The following PRDM10 variants were observed in gnomAD, a reference collection of about 807,000 sequenced individuals.
PRDM10 encodes PR/SET domain 10.
Under a neutral mutation model 133.1 loss-of-function variants are expected in PRDM10, and 65 were observed. The observed-to-expected ratio is 0.49, with a 90% confidence interval of 0.40 to 0.60. The LOEUF is 0.60. Among genes scored for constraint, PRDM10 ranks in the 20% least tolerant of loss-of-function variants. The pLI is 0.00. For synonymous variants in PRDM10, 582 were observed against 580.4 expected (o/e 1.00, Z -0.04); for missense variants, 1,137 against 1,507.1 (o/e 0.75, Z 4.07).
intron 11 of PRDM10, among the ~76,000 whole-genome samples, chr11:129,929,750 TC>T (rs1237950243): frequency 1.4e-5 from 2 of 144,768 alleles, no homozygotes; most frequent in Admixed American, 6.8e-5. Flanking sequence ...TTTTTTTTTT[TC>T]CTTCCAAAAA....
Position 129,925,037 on chromosome 11 carries a change from T to G in PRDM10, c.1723A>C (p.Met575Leu). 1 of 1,614,208 alleles carries G rather than the reference T, an allele frequency of 6.2e-7. No homozygotes were observed. The highest frequency in any genetic ancestry group is 8.5e-7 in the Non-Finnish European group (1 of 1,180,044). Residue 575 changes from methionine (M) to leucine (L), a missense_variant, in exon 12 of 21, where the codon ATG (methionine) becomes CTG (leucine). Met to Leu is a conservative substitution (Grantham distance 15, BLOSUM62 2). Coordinates refer to ENST00000360871, the MANE Select transcript of PRDM10 (RefSeq NM_199437.2). The stretch of plus-strand genomic sequence containing the variant: ...GTCTTCTGGTCTGAGTGGAGCTTCA[T>G]GTGGCTCTCCAAGGATGTGCTGCTG... ...FISSTSLESHMKLHSDQKTYS... is the reference protein window; with the variant it reads ...FISSTSLESHLKLHSDQKTYS...
At chr11:129,922,494 ATTTCTC>A (rs1207971912) in intron 13 of PRDM10, among the ~76,000 whole-genome samples, 3 of 152,134 alleles carry the variant, frequency 2.0e-5, no homozygotes, top group Non-Finnish European at 4.4e-5. Flanking sequence ...TGCAAACTCT[ATTTCTC>A]TTTAATTTCT....
Position 129,902,186 on chromosome 11 carries a change from A to C in PRDM10, c.*127T>G, listed in dbSNP as rs1949859639. ...ATAAACCCCAGTGTATGGATGAGAG[A>C]CAAAACTGTGGTTTCCGAACTCTTG... is the stretch of plus-strand genomic sequence containing the variant. On this transcript the variant is annotated 3_prime_UTR_variant, in exon 21 of 21. Coordinates refer to ENST00000360871, the MANE Select transcript of PRDM10 (RefSeq NM_199437.2). 1 of 1,332,374 alleles carries C rather than the reference A, an allele frequency of 7.5e-7. No individual in the cohort carries two copies. Among genetic ancestry groups the C allele is most frequent in the Admixed American group, 2.5e-5 (1 of 40,164 alleles). The allele number at this position is 1,332,374 out of a possible 1,614,324, so 82.5% of individuals were successfully genotyped here. A position where few individuals can be genotyped will look rare whatever the true frequency, so the allele number is the denominator to read the frequency against.
intron 11 of PRDM10, among the ~76,000 whole-genome samples, chr11:129,926,635 C>G (rs1950686089): frequency 6.6e-6 from 1 of 152,178 alleles, no homozygotes; most frequent in Non-Finnish European, 1.5e-5. Context: ...CTTCTCAGGG[C>G]TTCTCTAACC....
At chr11:129,979,702 C>T (rs1937997602) in intron 1 of PRDM10, among the ~76,000 whole-genome samples, 1 of 152,244 alleles carries the variant, frequency 6.6e-6, no homozygotes, top group Non-Finnish European at 1.5e-5. Flanking sequence ...ACTTGAGGCT[C>T]ACATCCTCAT....
chr11:129,929,354 G>C (rs763966751), intron 11 of PRDM10: 20 of 1,526,298 alleles, frequency 1.3e-5, no homozygotes, highest in Non-Finnish European at 1.8e-5. Flanking sequence ...GCAAAGAACA[G>C]CAGGTCAGGC....
intron 1 of PRDM10, among the ~76,000 whole-genome samples, chr11:129,995,972 G>GA (rs1008995503): frequency 3.4e-5 from 5 of 147,368 alleles, no homozygotes; most frequent in South Asian, 4.3e-4. Context: ...AAAAGAAAAA[G>GA]AAAAAAAAAG....
chr11:129,958,585 A>G (rs1403578119), intron 2 of PRDM10, among the ~76,000 whole-genome samples: 1 of 152,180 alleles, frequency 6.6e-6, no homozygotes, highest in Non-Finnish European at 1.5e-5. Flanking sequence ...CAGAGGTTGC[A>G]GTGAGCCGAG....
intron 11 of PRDM10, chr11:129,929,304 C>G: frequency 9.1e-7 from 1 of 1,103,880 alleles, no homozygotes; most frequent in Non-Finnish European, 1.3e-6. Flanking sequence ...ACTGTAGCAA[C>G]CAAACTGTGG....
At chr11:130,001,658 G>A (rs1939387053) in intron 1 of PRDM10, among the ~76,000 whole-genome samples, 1 of 152,212 alleles carries the variant, frequency 6.6e-6, no homozygotes, top group South Asian at 2.1e-4. Flanking sequence ...ATTCAACAGC[G>A]CTGCGTTCGC....
chr11:129,915,299 C>T (rs1950322801), intron 16 of PRDM10, among the ~76,000 whole-genome samples: 1 of 151,888 alleles, frequency 6.6e-6, no homozygotes, highest in African/African-American at 2.4e-5. Flanking sequence ...ACAATCCCCC[C>T]AGCCAAAATG....
chr11:129,904,041 C>T (rs1293713340), intron 20 of PRDM10, among the ~76,000 whole-genome samples: 1 of 150,614 alleles, frequency 6.6e-6, no homozygotes, highest in Non-Finnish European at 1.5e-5. Flanking sequence ...TCTCATTTTA[C>T]ATTCGTTACT....
chr11:129,927,581 TC>T (rs1448880923), intron 11 of PRDM10, among the ~76,000 whole-genome samples: 1 of 152,118 alleles, frequency 6.6e-6, no homozygotes, highest in Non-Finnish European at 1.5e-5. Flanking sequence ...TTCTGTCATT[TC>T]TGATTAGTGT....
At chr11:130,002,251 G>A (rs1482737779) in intron 1 of PRDM10, among the ~76,000 whole-genome samples, 1 of 150,250 alleles carries the variant, frequency 6.7e-6, no homozygotes, top group Non-Finnish European at 1.5e-5. Context: ...CCGCCCAACC[G>A]CCGTCCCGGC....
intron 15 of PRDM10, among the ~76,000 whole-genome samples, chr11:129,916,273 G>A (rs566289556): frequency 7.2e-5 from 11 of 152,330 alleles, no homozygotes; most frequent in Middle Eastern, 6.8e-3. Context: ...AAATGGCAAC[G>A]TCAATAGCAA....
At chr11:129,954,907 C>A (rs1951668076) in intron 4 of PRDM10, among the ~76,000 whole-genome samples, 3 of 152,332 alleles carry the variant, frequency 2.0e-5, no homozygotes, top group African/African-American at 4.8e-5. Context: ...GATTCTCCCA[C>A]CTCAGCCTCC....
intron 7 of PRDM10, among the ~76,000 whole-genome samples, chr11:129,940,383 G>T (rs1323011686): frequency 1.3e-5 from 2 of 152,210 alleles, no homozygotes; most frequent in African/African-American, 4.8e-5. Flanking sequence ...ACTCAGCCAA[G>T]AATATTTTTG....
At chr11:129,905,575 T>C in intron 20 of PRDM10, 63 bp downstream of exon 20, 2 of 1,197,996 alleles carry the variant, frequency 1.7e-6, no homozygotes, top group Admixed American at 1.7e-5. Context: ...TAAGTGGTGA[T>C]AAGAGTTACT....
intron 13 of PRDM10, among the ~76,000 whole-genome samples, chr11:129,919,137 G>A (rs562581375): frequency 2.0e-5 from 3 of 152,306 alleles, no homozygotes; most frequent in Non-Finnish European, 2.9e-5. Context: ...TTGGGAGGCC[G>A]ACAAGGGCGG....
Sources: allele counts gnomAD v4.1 joint callset (sites outside exome capture counted in the v4.1 genomes callset), GRCh38; gene constraint gnomAD v4.1.1; transcripts MANE v1.5; gene names NCBI Gene and HGNC (gene_info 2026-07-23, HGNC 2026-07-21).